COBLL1: variants seen among roughly 807,000 people sequenced by gnomAD.
COBLL1 encodes cordon-bleu protein-like 1.
Under a neutral mutation model 94.8 loss-of-function variants are expected in COBLL1, and 50 were observed. That is an observed-to-expected ratio of 0.53 (90% CI 0.42 to 0.67). The LOEUF (loss-of-function observed/expected upper bound fraction) is 0.67. COBLL1 is among the 30% of genes least tolerant of loss of function. The pLI is 0.00. For missense variants in COBLL1, 1,362 were observed against 1,348.7 expected (o/e 1.01, Z -0.15); for synonymous variants, 448 against 473.8 (o/e 0.95, Z 0.71).
At chr2:164,662,953 G>T (rs1452433157) in intron 2 of COBLL1, among the ~76,000 whole-genome samples, 1 of 152,022 alleles carries the variant, frequency 6.6e-6, no homozygotes, top group African/African-American at 2.4e-5. Flanking sequence ...CCCTGCCTTG[G>T]GTATTTCTTT....
intron 9 of COBLL1, among the ~76,000 whole-genome samples, chr2:164,701,931 A>G (rs1684294768): frequency 6.6e-6 from 1 of 151,962 alleles, no homozygotes. Flanking sequence ...TGTAGCATCC[A>G]ATTATAGTAA....
intron 1 of COBLL1, among the ~76,000 whole-genome samples, chr2:164,666,362 T>C (rs1691158964): frequency 6.6e-6 from 1 of 152,178 alleles, no homozygotes; most frequent in Non-Finnish European, 1.5e-5. Context: ...AAAAATACTA[T>C]ATTGCTAAAA....
chr2:164,753,050 T>G (rs2105591321), intron 2 of COBLL1, among the ~76,000 whole-genome samples: 1 of 152,296 alleles, frequency 6.6e-6, no homozygotes, highest in East Asian at 1.9e-4. Flanking sequence ...AAGAGTCACA[T>G]GGACAGGACG....
intron 2 of COBLL1, among the ~76,000 whole-genome samples, chr2:164,832,472 C>G (rs1024361165): frequency 6.6e-6 from 1 of 152,166 alleles, no homozygotes; most frequent in African/African-American, 2.4e-5. Flanking sequence ...TCAACCTACA[C>G]ATCATATTTA....
At chr2:164,813,528 G>A (rs1684564780) in intron 2 of COBLL1, among the ~76,000 whole-genome samples, 1 of 152,090 alleles carries the variant, frequency 6.6e-6, no homozygotes, top group Non-Finnish European at 1.5e-5. Flanking sequence ...TTCTCCACCT[G>A]GCTGCTGAGT....
Position 164,746,132 on chromosome 2 carries a change from C to T in COBLL1, c.42-2257G>A, listed in dbSNP as rs75327047. On this transcript the variant is annotated intron_variant, in intron 2 of 13. Coordinates refer to ENST00000652658, the MANE Select transcript of COBLL1 (RefSeq NM_001365672.2). ...AATCCTTGTTCTCATAAACATACAT[C>T]TAATCCATCTACAAATTCCGCCAGC... Among the ~76,000 whole-genome samples the T allele has an allele frequency of 1.8e-3, 277 of 152,302 alleles. 7 individuals carry two copies. The East Asian group carries it at 0.052, about 29-fold the overall frequency.
At chr2:164,807,107 T>C (rs1684200120) in intron 2 of COBLL1, among the ~76,000 whole-genome samples, 1 of 152,146 alleles carries the variant, frequency 6.6e-6, no homozygotes, top group South Asian at 2.1e-4. Context: ...TTGTTCTCTT[T>C]TTCATTAAAT....
intron 2 of COBLL1, among the ~76,000 whole-genome samples, chr2:164,795,890 G>T (rs1683424920): frequency 6.6e-6 from 1 of 152,124 alleles, no homozygotes; most frequent in African/African-American, 2.4e-5. Flanking sequence ...TCAAACATAA[G>T]AAGCAGAAGC....
chr2:164,793,130 C>T (rs1683273840), intron 2 of COBLL1, among the ~76,000 whole-genome samples: 1 of 152,156 alleles, frequency 6.6e-6, no homozygotes, highest in South Asian at 2.1e-4. Context: ...TAAATTCATG[C>T]TATGGGCCAG....
intron 2 of COBLL1, among the ~76,000 whole-genome samples, chr2:164,789,430 C>G (rs3754958): frequency 0.11 from 17,410 of 151,642 alleles, 1,345 homozygotes; most frequent in Admixed American, 0.18. Flanking sequence ...GAATATGAAG[C>G]AAAAATGGGG....
chr2:164,772,168 A>C (rs1688237934), intron 2 of COBLL1: 1 of 151,996 alleles, frequency 6.6e-6, no homozygotes, highest in African/African-American at 2.4e-5. Context: ...GCAATAAACC[A>C]GTGACAGATA....
intron 2 of COBLL1, among the ~76,000 whole-genome samples, chr2:164,818,241 T>C (rs922088711): frequency 1.3e-5 from 2 of 150,360 alleles, no homozygotes; most frequent in Non-Finnish European, 3.0e-5. Flanking sequence ...TGCATGTATG[T>C]ATACATGTGC....
At chr2:164,783,567 C>T (rs752321782) in intron 2 of COBLL1, among the ~76,000 whole-genome samples, 1 of 152,128 alleles carries the variant, frequency 6.6e-6, no homozygotes, top group Admixed American at 6.5e-5. Context: ...CAGACCCAAA[C>T]ATTAAAAACT....
intron 3 of COBLL1, among the ~76,000 whole-genome samples, chr2:164,734,510 T>C (rs112913451): frequency 0.012 from 1,812 of 152,310 alleles, 18 homozygotes; most frequent in Middle Eastern, 0.031. Flanking sequence ...TGAGGAGTGA[T>C]GTGATCTACT....
chr2:164,737,247 G>T (rs1686354551), intron 3 of COBLL1, among the ~76,000 whole-genome samples: 1 of 152,054 alleles, frequency 6.6e-6, no homozygotes, highest in African/African-American at 2.4e-5. Context: ...GGAAAGCAAA[G>T]GGAAGAGGGT....
chr2:164,704,739 T>G (rs1684493969), intron 8 of COBLL1, among the ~76,000 whole-genome samples: 1 of 152,252 alleles, frequency 6.6e-6, no homozygotes, highest in African/African-American at 2.4e-5. Context: ...GATTATGACA[T>G]GCTCATCTTA....
At chr2:164,691,283 T>C (rs1432549843) in intron 13 of COBLL1, among the ~76,000 whole-genome samples, 1 of 152,224 alleles carries the variant, frequency 6.6e-6, no homozygotes, top group African/African-American at 2.4e-5. Flanking sequence ...TTTTCCTATC[T>C]TTGTAGCATT....
Position 164,699,515 on chromosome 2 carries a change from T to C in COBLL1, c.1461-16A>G. Reference sequence around the variant, plus strand: ...GTGTGGTTCTCTGGAAGATACGACATTGTATGTTATATGTTGATACTATTG... The same window carrying C: ...GTGTGGTTCTCTGGAAGATACGACACTGTATGTTATATGTTGATACTATTG... On this transcript the variant is annotated splice_polypyrimidine_tract_variant and intron_variant, in intron 10 of 13. Transcript: ENST00000652658. 6.9e-7 allele frequency: 1 copy of C among 1,456,284 alleles called. No individual in the cohort carries two copies. The highest frequency in any genetic ancestry group is 9.6e-7 in the Non-Finnish European group (1 of 1,036,714). The allele number at this position is 1,456,284 out of a possible 1,614,324, so 90.2% of individuals were successfully genotyped here. A position where few individuals can be genotyped will look rare whatever the true frequency, so the allele number is the denominator to read the frequency against.
chr2:164,797,140 T>A (rs1222465548), intron 2 of COBLL1, among the ~76,000 whole-genome samples: 1 of 152,164 alleles, frequency 6.6e-6, no homozygotes, highest in Admixed American at 6.5e-5. Context: ...TCTGGGACCT[T>A]TGTTGATGTC....
Sources: gnomAD v4.1 joint callset for allele counts (sites outside exome capture counted in the v4.1 genomes callset) on GRCh38, gnomAD v4.1.1 for gene constraint, MANE v1.5 for transcripts, NCBI Gene and HGNC (gene_info 2026-07-23, HGNC 2026-07-21) for gene names.